Variants in UNC5D observed in about 807,000 individuals in gnomAD.
UNC5D encodes the protein unc-5 netrin receptor D.
UNC5D carries 39 observed loss-of-function variants against 105.4 expected under a neutral mutation model. The ratio of observed to expected loss-of-function variants is 0.37; its 90% CI spans 0.29 to 0.48. The LOEUF (loss-of-function observed/expected upper bound fraction) is 0.48. UNC5D is among the 20% of genes least tolerant of loss of function. The pLI is 0.98. For synonymous variants in UNC5D, 452 were observed against 450.4 expected (o/e 1.00, Z -0.04); for missense variants, 991 against 1,202.4 (o/e 0.82, Z 2.60).
chr8:35,684,762 C>A lies in UNC5D; in HGVS notation c.919+13C>A. On this transcript the variant is annotated intron_variant, in intron 6 of 16. Coordinates refer to ENST00000404895, the MANE Select transcript of UNC5D (RefSeq NM_080872.4). ...TCTCTTTGTCCTGGTGAGATATATG[C>A]AGATTCCCTTTTCCCTTCTGATCCA... 1.3e-6 allele frequency: 2 copies of A among 1,598,764 alleles called. No individual in the cohort carries two copies. Among genetic ancestry groups the A allele is most frequent in the Non-Finnish European group, 1.7e-6 (2 of 1,172,386 alleles).
At chr8:35,704,031 G>A (rs778994322) in intron 7 of UNC5D, among the ~76,000 whole-genome samples, 4 of 152,266 alleles carry the variant, frequency 2.6e-5, no homozygotes, top group African/African-American at 9.6e-5. Flanking sequence ...TAAGGGAAAT[G>A]CAAGTGTTCT....
intron 1 of UNC5D, among the ~76,000 whole-genome samples, chr8:35,512,429 T>G: frequency 7.3e-6 from 1 of 136,268 alleles, no homozygotes; most frequent in African/African-American, 2.8e-5. Context: ...GGCAGGAGGA[T>G]CTCTTGAGTC....
chr8:35,304,630 G>GA (rs1280900805), intron 1 of UNC5D, among the ~76,000 whole-genome samples: 1 of 151,486 alleles, frequency 6.6e-6, no homozygotes, highest in Non-Finnish European at 1.5e-5. Context: ...CTGCTAAACA[G>GA]AAAAAAAAGA....
intron 4 of UNC5D, among the ~76,000 whole-genome samples, chr8:35,615,063 C>CCCCCCCCCCCCCT: frequency 7.4e-6 from 1 of 135,808 alleles, no homozygotes; most frequent in East Asian, 2.2e-4. Context: ...CCCCACCCCC[C>CCCCCCCCCCCCCT]GATCTCCACA....
chr8:35,591,202 C>G (rs1819150649), intron 3 of UNC5D, among the ~76,000 whole-genome samples: 1 of 151,742 alleles, frequency 6.6e-6, no homozygotes, highest in African/African-American at 2.4e-5. Flanking sequence ...TGTTAGGTTA[C>G]TCATGAATAC....
chr8:35,239,158 A>G (rs1447635006), intron 1 of UNC5D, among the ~76,000 whole-genome samples: 1 of 152,080 alleles, frequency 6.6e-6, no homozygotes, highest in African/African-American at 2.4e-5. Flanking sequence ...TAATGATAGC[A>G]CTTGTCACCC....
chr8:35,668,234 T>A (rs1824558352), intron 4 of UNC5D, among the ~76,000 whole-genome samples: 1 of 152,122 alleles, frequency 6.6e-6, no homozygotes, highest in Non-Finnish European at 1.5e-5. Context: ...TTCAAGTACT[T>A]AGATCATCTT....
At chr8:35,365,038 T>C (rs1802036841) in intron 1 of UNC5D, among the ~76,000 whole-genome samples, 1 of 152,172 alleles carries the variant, frequency 6.6e-6, no homozygotes, top group African/African-American at 2.4e-5. Context: ...TTTCACTTGT[T>C]TGTAGTGGTA....
intron 1 of UNC5D, among the ~76,000 whole-genome samples, chr8:35,243,615 AGGGGATGAGG>A (rs1319492580): frequency 6.6e-6 from 1 of 152,146 alleles, no homozygotes; most frequent in Non-Finnish European, 1.5e-5. Flanking sequence ...CAGGATAATG[AGGGGATGAGG>A]CTATAGTTAA....
chr8:35,490,526 A>T (rs1469911594), intron 1 of UNC5D, among the ~76,000 whole-genome samples: 1 of 151,900 alleles, frequency 6.6e-6, no homozygotes, highest in African/African-American at 2.4e-5. Flanking sequence ...CCTATCTCTT[A>T]TAAAAAAAAA....
rs57529561 is a variant in UNC5D, at chr8:35,731,399, C to CAAAAA, written c.1766+329_1766+333dup. On this transcript the variant is annotated intron_variant, in intron 11 of 16. Transcript: ENST00000404895. ...CTGGGCAACAGTGAGACTCTGTCTC[C>CAAAAA]AAAAAAAAAAAAAAAAAAAAAAAAA... Among the ~76,000 whole-genome samples the CAAAAA allele has an allele frequency of 2.3e-3, 72 of 30,646 alleles. 4 individuals are homozygous for CAAAAA. The highest frequency in any genetic ancestry group is 4.3e-3 in the African/African-American group (68 of 15,714). The allele number at this position is 30,646 out of a possible 152,430, so 20.1% of individuals were successfully genotyped here.
intron 1 of UNC5D, among the ~76,000 whole-genome samples, chr8:35,268,344 G>A (rs1446145251): frequency 6.6e-6 from 1 of 151,962 alleles, no homozygotes; most frequent in African/African-American, 2.4e-5. Context: ...CTTAATAAGT[G>A]CACCCAGAAA....
chr8:35,416,319 T>TA (rs1805532420), intron 1 of UNC5D, among the ~76,000 whole-genome samples: 4 of 152,038 alleles, frequency 2.6e-5, no homozygotes, highest in Admixed American at 2.6e-4. Context: ...AAAGGAATTG[T>TA]AAAAAACACT....
intron 4 of UNC5D, among the ~76,000 whole-genome samples, chr8:35,621,821 AG>A (rs1165172557): frequency 6.6e-6 from 1 of 152,130 alleles, no homozygotes; most frequent in Admixed American, 6.5e-5. Context: ...AGCCTTCAGT[AG>A]GGTGGTTTCT....
chr8:35,248,111 A>T (rs1169048316), intron 1 of UNC5D, among the ~76,000 whole-genome samples: 11 of 71,416 alleles, frequency 1.5e-4, no homozygotes, highest in African/African-American at 5.6e-4. Flanking sequence ...TTATATATAA[A>T]AAATATAATA....
intron 1 of UNC5D, among the ~76,000 whole-genome samples, chr8:35,366,720 C>T (rs1235482406): frequency 6.6e-6 from 1 of 152,060 alleles, no homozygotes; most frequent in Non-Finnish European, 1.5e-5. Flanking sequence ...CTAGATCCTT[C>T]TTCCCCTGAG....
rs1177014089 is a variant in UNC5D at position 35,252,019 on chromosome 8, CTTTTTT to C, written c.103+16149_103+16154del. On this transcript the variant is annotated intron_variant, in intron 1 of 16. Coordinates refer to ENST00000404895, the MANE Select transcript of UNC5D (RefSeq NM_080872.4). ...ACCCTGTTCCTAACTACCAATGGTT[CTTTTTT>C]TTTTTTTTTTTTTTTTGAGATGGAG... 1.5e-3 allele frequency among the ~76,000 whole-genome samples: 177 copies of C among 117,268 alleles called. 1 individual carries two copies. Among genetic ancestry groups the C allele is most frequent in the African/African-American group, 5.3e-3 (164 of 30,954 alleles). The allele number at this position is 117,268 out of a possible 152,430, so 76.9% of individuals were successfully genotyped here.
intron 8 of UNC5D, among the ~76,000 whole-genome samples, chr8:35,718,208 G>C (rs1371318528): frequency 6.6e-6 from 1 of 152,052 alleles, no homozygotes; most frequent in Non-Finnish European, 1.5e-5. Flanking sequence ...AGGAAAATAG[G>C]GATGAAGAAA....
At chr8:35,293,777 A>G (rs1295407373) in intron 1 of UNC5D, among the ~76,000 whole-genome samples, 2 of 152,212 alleles carry the variant, frequency 1.3e-5, no homozygotes, top group Non-Finnish European at 2.9e-5. Context: ...ATTTGTTCAC[A>G]CTTAAATGAT....
Sources: allele counts gnomAD v4.1 joint callset (sites outside exome capture counted in the v4.1 genomes callset), GRCh38; gene constraint gnomAD v4.1.1; transcripts MANE v1.5; gene names NCBI Gene and HGNC (gene_info 2026-07-23, HGNC 2026-07-21).